RBCK1: variants seen among roughly 807,000 people sequenced by gnomAD.
The protein encoded by RBCK1 is ranBP-type and C3HC4-type zinc finger-containing protein 1.
Under a neutral mutation model 71.1 loss-of-function variants are expected in RBCK1, and 44 were observed. The observed-to-expected ratio is 0.62, with a 90% CI of 0.49 to 0.80. The LOEUF is 0.80. RBCK1 is among the 30% of genes least tolerant of loss of function. RBCK1 has a pLI of 0.00. For synonymous variants in RBCK1, 306 were observed against 279.7 expected (o/e 1.09, Z -0.94); for missense variants, 569 against 685.0 (o/e 0.83, Z 1.89).
rs766562059 is a variant in RBCK1 at position 419,712 on chromosome 20, C to T, written c.737C>T (p.Ala246Val). 1.5e-5 allele frequency: 23 copies of T among 1,563,596 alleles called. No individual in the cohort carries two copies. The highest frequency in any genetic ancestry group is 1.9e-5 in the Non-Finnish European group (22 of 1,158,234). Residue 246 changes from alanine (A) to valine (V), a missense_variant, in exon 6 of 12, where the codon GCG (alanine) becomes GTG (valine). Ala to Val is a moderately conservative substitution (Grantham distance 64, BLOSUM62 0). Transcript: ENST00000356286. ...ERARLAGEEEALRQYQQRKQQ... is the reference protein window; with the variant it reads ...ERARLAGEEEVLRQYQQRKQQ... ...GCGCGCCTGGCGGGCGAGGAGGAGG[C>T]GCTGCGTCAGTACCAGCAGGTGGGC...
intron 2 of RBCK1, among the ~76,000 whole-genome samples, chr20:411,877 C>T (rs1386594305): frequency 6.6e-6 from 1 of 152,230 alleles, no homozygotes; most frequent in Non-Finnish European, 1.5e-5. Context: ...TATCTTTACT[C>T]ATTAAATCAG....
chr20:410,568 A>AGAACT, intron 2 of RBCK1: 1 of 779,762 alleles, frequency 1.3e-6, no homozygotes, highest in Admixed American at 1.7e-5. Context: ...ACTGATTCCC[A>AGAACT]CAGCTACAGT....
chr20:427,412 A>C lies in RBCK1; in HGVS notation c.1129A>C (p.Lys377Gln). 6.2e-7 allele frequency: 1 copy of C among 1,614,162 alleles called. No individual in the cohort carries two copies. ...CTACCATTGCAAGACCCCAGATTGC[A>C]AGGGATGGTGCTTCTTTGAGGATGA... ...FSYHCKTPDCKGWCFFEDDVN... is the reference protein window; with the variant it reads ...FSYHCKTPDCQGWCFFEDDVN... Residue 377 changes from lysine to glutamine, a missense_variant, in exon 9 of 12, where the codon AAG becomes CAG. Coordinates refer to ENST00000356286, the MANE Select transcript of RBCK1 (RefSeq NM_031229.4).
intron 11 of RBCK1, 128 bp downstream of exon 11, chr20:429,222 A>G (rs2016895076): frequency 7.7e-7 from 1 of 1,295,898 alleles, no homozygotes; most frequent in Admixed American, 3.3e-5. Flanking sequence ...CTCCCGAGGT[A>G]AGAATTTTTT....
rs757156263 is a variant in RBCK1 at position 427,505 on chromosome 20, G to A, written c.1209+13G>A. 1 of 1,612,020 alleles carries A rather than the reference G, an allele frequency of 6.2e-7. No individual in the cohort carries two copies. The highest frequency in any genetic ancestry group is 1.1e-5 in the South Asian group (1 of 90,968). On this transcript the variant is annotated intron_variant, in intron 9 of 11. Coordinates refer to ENST00000356286, the MANE Select transcript of RBCK1 (RefSeq NM_031229.4). ...CCTGCTCTGCAAGGTGGGGCCTGCA[G>A]GGACTCCCCCCACCTAGTCACTGTC...
chr20:419,282 C>T, intron 4 of RBCK1, 65 bp from the exon 5 acceptor site: 1 of 1,601,284 alleles, frequency 6.2e-7, no homozygotes, highest in Non-Finnish European at 8.5e-7. Flanking sequence ...TCAGGGAGAC[C>T]CACCCCCATG....
Position 428,892 on chromosome 20 carries a change from G to A in RBCK1, c.1309-59G>A. On this transcript the variant is annotated intron_variant, in intron 10 of 11. Transcript: ENST00000356286. This position sits in a 1 kb window ranked among gnomAD's most constrained non-coding sequence, Gnocchi z 5.7. ...ACCACCTTCTCCCTGCCATGGGGAGGGGCCAGGCTGGGTGACTGCCCCAGC... is the reference window on the plus strand; with the variant it reads ...ACCACCTTCTCCCTGCCATGGGGAGAGGCCAGGCTGGGTGACTGCCCCAGC... 1 of 1,534,188 alleles carries A rather than the reference G, an allele frequency of 6.5e-7. No individual in the cohort carries two copies. The highest frequency in any genetic ancestry group is 1.2e-5 in the South Asian group (1 of 80,648).
rs1401211380 is a variant in RBCK1, at chr20:420,945, G to A, written c.831G>A (p.Thr277=). Residue 277 remains threonine, a synonymous_variant, in exon 7 of 12, where the codon ACG becomes ACA. Transcript: ENST00000356286. ...ACCAGAGGAGCCTGGTGCTGAACAC[G>A]GAGCCCGCCGAGTGCCCCGTGTGCT... ...QLDQRSLVLN[T]EPAECPVCYS... 3 of 1,555,126 alleles carry A rather than the reference G, an allele frequency of 1.9e-6. No homozygotes were observed. Among genetic ancestry groups the A allele is most frequent in the African/African-American group, 1.4e-5 (1 of 73,114 alleles).
chr20:419,311 C>T, intron 4 of RBCK1, 36 bp from the exon 5 acceptor site: 9 of 1,610,612 alleles, frequency 5.6e-6, no homozygotes, highest in African/African-American at 1.3e-5. Flanking sequence ...CCAAGTGGGC[C>T]GCGTGGAACC....
chr20:429,058 C>T lies in RBCK1; in HGVS notation c.1416C>T (p.Ile472=). 6.2e-7 allele frequency: 1 copy of T among 1,613,138 alleles called. No homozygotes were observed. The highest frequency in any genetic ancestry group is 8.5e-7 in the Non-Finnish European group (1 of 1,179,890). ...GCTGCACCGTCTGCCACACCGAGAT[C>T]TGCTGGGTCACCAAGGGCCCACGCT... ...WIRCTVCHTE[I]CWVTKGPRWG... Residue 472 remains isoleucine (I), a synonymous_variant, in exon 11 of 12, where the codon ATC becomes ATT. Transcript: ENST00000356286.
Position 416,045 on chromosome 20 carries a change from G to A in RBCK1, c.168-1481G>A, listed in dbSNP as rs140285933. 9.6e-4 allele frequency among the ~76,000 whole-genome samples: 146 copies of A among 152,200 alleles called. No individual in the cohort carries two copies. In the Middle Eastern group the frequency reaches 0.024, roughly 25 times the overall value. On this transcript the variant is annotated intron_variant, in intron 2 of 11. Transcript: ENST00000356286. ...TCAACACTGAGGATTACAGTTCAAG[G>A]TAAGATTTGGGCAGGGACAAATACC...
At chr20:421,549 A>G (rs941174421) in intron 7 of RBCK1, among the ~76,000 whole-genome samples, 3 of 152,190 alleles carry the variant, frequency 2.0e-5, no homozygotes, top group African/African-American at 7.2e-5. Flanking sequence ...GTCAAATGCT[A>G]CATACAGTAC....
In RBCK1 at chr20:427,448, T is replaced by G; in HGVS notation, c.1165T>G (p.Phe389Val). The change falls in exon 9 of 12, where the codon TTC (phenylalanine) becomes GTC (valine). Residue 389 changes from phenylalanine (F) to valine (V), a missense_variant. Physicochemically the swap from Phe to Val is conservative, Grantham distance 50 (BLOSUM62 -1). Around this residue, in one of 2 missense-constraint regions of RBCK1, gnomAD observed 211 missense variants for 309.4 expected, o/e 0.68. Coordinates refer to ENST00000356286, the MANE Select transcript of RBCK1 (RefSeq NM_031229.4). ...WCFFEDDVNE[F>V]TCPVCFHVNC... ...CTTCTTTGAGGATGATGTCAATGAGTTCACCTGCCCTGTGTGTTTCCACGT... is the reference window on the plus strand; with the variant it reads ...CTTCTTTGAGGATGATGTCAATGAGGTCACCTGCCCTGTGTGTTTCCACGT... 1 of 1,614,014 alleles carries G rather than the reference T, an allele frequency of 6.2e-7. No homozygotes were observed.
At position 430,650 on chromosome 20, in the gene RBCK1, C is replaced by G; in HGVS notation, c.*220C>G. On this transcript the variant is annotated 3_prime_UTR_variant, in exon 12 of 12. Transcript: ENST00000356286. The surrounding 1 kb of genome is among the most constrained non-coding windows in gnomAD (Gnocchi z 5.6). Reference sequence around the variant, plus strand: ...CCTGCGGCTCCCACCTCTGCCTGACCCCAGCCTTAAACATAGCCCCTGGCC... The same window carrying G: ...CCTGCGGCTCCCACCTCTGCCTGACGCCAGCCTTAAACATAGCCCCTGGCC... 1 of 590,842 alleles carries G rather than the reference C, an allele frequency of 1.7e-6. No individual in the cohort carries two copies. The highest frequency in any genetic ancestry group is 2.0e-5 in the South Asian group (1 of 50,976). 36.6% of individuals were successfully genotyped at this position (590,842 alleles called of 1,614,324 possible).
rs1254894034 is a variant in RBCK1 at position 431,838 on chromosome 20, C to A, written c.*1408C>A. On this transcript the variant is annotated 3_prime_UTR_variant, in exon 12 of 12. Coordinates refer to ENST00000356286, the MANE Select transcript of RBCK1 (RefSeq NM_031229.4). The surrounding 1 kb of genome is among the most constrained non-coding windows in gnomAD (Gnocchi z 4.8). ...GGCCCTGGAGGCAGAAAGGCCCAGG[C>A]AGAACCACTGACTGGGAGGAAACAG... Among the ~76,000 whole-genome samples the A allele has an allele frequency of 1.3e-5, 2 of 152,190 alleles. No homozygotes were observed. The highest frequency in any genetic ancestry group is 2.9e-5 in the Non-Finnish European group (2 of 68,024).
rs1187408827 is a variant in RBCK1, at chr20:419,287, C to G, written c.461-60C>G. The G allele has an allele frequency of 1.9e-6, 3 of 1,605,482 alleles. No individual in the cohort carries two copies. The African/African-American group carries it at 4.0e-5, about 21-fold the overall frequency. ...CCTGGCTGGCTCAGGGAGACCCACC[C>G]CCATGGGTGTGGACCAAGTGGGCCG... On this transcript the variant is annotated intron_variant, in intron 4 of 11. Transcript: ENST00000356286.
chr20:430,278 G>T lies in RBCK1; in HGVS notation c.1453-72G>T. On this transcript the variant is annotated intron_variant, in intron 11 of 11. Coordinates refer to ENST00000356286, the MANE Select transcript of RBCK1 (RefSeq NM_031229.4). The surrounding 1 kb of genome is among the most constrained non-coding windows in gnomAD (Gnocchi z 5.6). ...ACCTGCAGAGGCAAAGGCCCGGGGT[G>T]GGAGAGCGCTCGGCTGTGGGGGCAG... is the stretch of plus-strand genomic sequence containing the variant. The T allele has an allele frequency of 3.6e-6, 5 of 1,369,922 alleles. No homozygotes were observed. Among genetic ancestry groups the T allele is most frequent in the Non-Finnish European group, 5.2e-6 (5 of 965,350 alleles). 84.9% of individuals were successfully genotyped at this position (1,369,922 alleles called of 1,614,324 possible). A position where few individuals can be genotyped will look rare whatever the true frequency, so the allele number is the denominator to read the frequency against.
rs576903629 is a variant in RBCK1, at chr20:410,760, C to T, written c.167+735C>T. ...CTCAATAATAAACATTAGTGTCTAT[C>T]GTTATTTTTTGACTGCTTTTTCATT... On this transcript the variant is annotated intron_variant, in intron 2 of 11. Coordinates refer to ENST00000356286, the MANE Select transcript of RBCK1 (RefSeq NM_031229.4). The T allele has an allele frequency of 1.3e-4, 62 of 472,234 alleles. No individual in the cohort carries two copies. In the South Asian group the frequency reaches 1.9e-3, roughly 15 times the overall value. 29.3% of individuals were successfully genotyped at this position (472,234 alleles called of 1,614,324 possible). A position where few individuals can be genotyped will look rare whatever the true frequency, so the allele number is the denominator to read the frequency against.
chr20:422,186 T>C lies in RBCK1; in HGVS notation c.977T>C (p.Ile326Thr). 6.2e-7 allele frequency: 1 copy of C among 1,613,294 alleles called. No homozygotes were observed. Among genetic ancestry groups the C allele is most frequent in the Non-Finnish European group, 8.5e-7 (1 of 1,179,912 alleles). The change falls in exon 8 of 12, where the codon ATT (isoleucine) becomes ACT (threonine). Residue 326 changes from isoleucine to threonine, a missense_variant. Around this residue, in one of 2 missense-constraint regions of RBCK1, gnomAD observed 211 missense variants for 309.4 expected, o/e 0.68. Transcript: ENST00000356286. The surrounding 1 kb of genome is among the most constrained non-coding windows in gnomAD (Gnocchi z 5.0). ...GAGGCGGAGGTCTCCTGCCCCTTCA[T>C]TGACAACACCTACTCGTGCTCGGGC... The part of the protein sequence containing the change: ...SQEAEVSCPF[I>T]DNTYSCSGKL...
Sources: gnomAD v4.1 joint callset for allele counts (sites outside exome capture counted in the v4.1 genomes callset) on GRCh38, gnomAD v4.1.1 for gene constraint, gnomAD v4.1.1 regional missense constraint, Gnocchi (gnomAD v3.1) non-coding constraint, MANE v1.5 for transcripts, NCBI Gene and HGNC (gene_info 2026-07-23, HGNC 2026-07-21) for gene names.